Variants in ARHGAP18 observed in about 807,000 individuals in gnomAD.
ARHGAP18 encodes the protein rho GTPase-activating protein 18.
In ARHGAP18, 67 loss-of-function variants were observed where a neutral mutation model predicts 86.2. The ratio of observed to expected loss-of-function variants is 0.78; its 90% CI spans 0.64 to 0.95. ARHGAP18 has a LOEUF of 0.95. Among genes scored for constraint, ARHGAP18 ranks in the 40% least tolerant of loss-of-function variants. The pLI is 0.00. For synonymous variants in ARHGAP18, 283 were observed against 280.4 expected, an observed-to-expected ratio of 1.01 and a Z score of -0.09; for missense variants, 691 against 780.4, an observed-to-expected ratio of 0.89 and a Z score of 1.37.
At chr6:129,584,695 G>A (rs892373421) in intron 12 of ARHGAP18, among the ~76,000 whole-genome samples, 10 of 152,164 alleles carry the variant, frequency 6.6e-5, no homozygotes, top group African/African-American at 2.4e-4. Context: ...TTATGGATTC[G>A]AGGATACCAG....
chr6:129,653,451 C>T (rs769902178), intron 1 of ARHGAP18, among the ~76,000 whole-genome samples: 9 of 152,030 alleles, frequency 5.9e-5, no homozygotes, highest in Admixed American at 2.0e-4. Context: ...TATAGAAGGC[C>T]GGGAAGTGTT....
chr6:129,676,535 C>T (rs1774233866), intron 1 of ARHGAP18, among the ~76,000 whole-genome samples: 1 of 152,186 alleles, frequency 6.6e-6, no homozygotes, highest in Non-Finnish European at 1.5e-5. Flanking sequence ...ATTCCTTTCC[C>T]ATCCTGAAGA....
chr6:129,683,471 A>G (rs1429882348), intron 1 of ARHGAP18, among the ~76,000 whole-genome samples: 6 of 152,328 alleles, frequency 3.9e-5, no homozygotes, highest in East Asian at 1.9e-4. Context: ...ATGAAAAACT[A>G]TATCTACTTG....
intron 1 of ARHGAP18, among the ~76,000 whole-genome samples, chr6:129,682,314 T>A (rs1226749943): frequency 2.0e-5 from 3 of 152,202 alleles, no homozygotes; most frequent in Admixed American, 1.3e-4. Context: ...CCTTTCTCTT[T>A]GCCAAGCCAG....
chr6:129,594,464 CTT>C (rs1421245324), intron 12 of ARHGAP18, among the ~76,000 whole-genome samples: 2 of 152,166 alleles, frequency 1.3e-5, no homozygotes, highest in African/African-American at 2.4e-5. Flanking sequence ...AGAGATCTCT[CTT>C]TGTCTCTTTA....
intron 5 of ARHGAP18, among the ~76,000 whole-genome samples, chr6:129,625,435 AAT>A (rs1351339359): frequency 2.1e-5 from 1 of 48,718 alleles, no homozygotes; most frequent in African/African-American, 1.1e-4. Flanking sequence ...TATTATATAT[AAT>A]ATATATTTTA....
Position 129,649,040 on chromosome 6 carries a change from A to T in ARHGAP18, c.114-7022T>A, listed in dbSNP as rs1338966891. 2.6e-5 allele frequency among the ~76,000 whole-genome samples: 4 copies of T among 152,308 alleles called. No homozygotes were observed. The South Asian group carries it at 8.3e-4, about 32-fold the overall frequency. ...AATGCCTGAAGGCAGTAAGAAGTTG[A>T]TTAGAAAGCAATACCACATCACTCG... is the stretch of plus-strand genomic sequence containing the variant. On this transcript the variant is annotated intron_variant, in intron 1 of 14. Coordinates refer to ENST00000368149, the MANE Select transcript of ARHGAP18 (RefSeq NM_033515.3).
At chr6:129,676,814 T>C (rs973829072) in intron 1 of ARHGAP18, among the ~76,000 whole-genome samples, 1 of 149,888 alleles carries the variant, frequency 6.7e-6, no homozygotes, top group African/African-American at 2.5e-5. Context: ...AGACTCAAAG[T>C]CCCTTAAACA....
At chr6:129,647,404 T>G (rs1388992396) in intron 1 of ARHGAP18, among the ~76,000 whole-genome samples, 2 of 152,224 alleles carry the variant, frequency 1.3e-5, no homozygotes, top group African/African-American at 4.8e-5. Context: ...CCTATCGTGA[T>G]GCTTTCTATC....
chr6:129,677,249 C>A (rs978607639), intron 1 of ARHGAP18, among the ~76,000 whole-genome samples: 1 of 152,086 alleles, frequency 6.6e-6, no homozygotes, highest in African/African-American at 2.4e-5. Flanking sequence ...AAAAATTAGC[C>A]AGGTGCGGTG....
At chr6:129,593,085 G>A (rs996202404) in intron 12 of ARHGAP18, among the ~76,000 whole-genome samples, 4 of 152,168 alleles carry the variant, frequency 2.6e-5, no homozygotes, top group African/African-American at 7.2e-5. Flanking sequence ...CGATACACAC[G>A]CCCAAGTCCT....
At chr6:129,647,578 T>G (rs1773606443) in intron 1 of ARHGAP18, among the ~76,000 whole-genome samples, 1 of 152,056 alleles carries the variant, frequency 6.6e-6, no homozygotes, top group East Asian at 1.9e-4. Context: ...TTTATTTCCA[T>G]GCAGGACAAG....
rs1327051434 is a variant in ARHGAP18, at chr6:129,576,158, T to C, written c.*2355A>G. Reference sequence around the variant, plus strand: ...TTTAAACTCAAGGCAAATATATTTATTTTTATTTTGTCTCATACACACACA... The same window carrying C: ...TTTAAACTCAAGGCAAATATATTTACTTTTATTTTGTCTCATACACACACA... On this transcript the variant is annotated 3_prime_UTR_variant, in exon 15 of 15. Coordinates refer to ENST00000368149, the MANE Select transcript of ARHGAP18 (RefSeq NM_033515.3). 6.6e-6 allele frequency: 1 copy of C among 152,224 alleles called. No homozygotes were observed. The highest frequency in any genetic ancestry group is 1.5e-5 in the Non-Finnish European group (1 of 68,038). 9.4% of individuals were successfully genotyped at this position (152,224 alleles called of 1,614,324 possible). A position where few individuals can be genotyped will look rare whatever the true frequency, so the allele number is the denominator to read the frequency against.
intron 1 of ARHGAP18, among the ~76,000 whole-genome samples, chr6:129,675,860 G>C (rs1008829402): frequency 6.6e-6 from 1 of 152,000 alleles, no homozygotes; most frequent in Non-Finnish European, 1.5e-5. Flanking sequence ...GTTTAGCCAA[G>C]AGCCACTTCA....
chr6:129,607,975 G>A lies in ARHGAP18; in HGVS notation c.1200C>T (p.Ala400=). The A allele has an allele frequency of 6.2e-7, 1 of 1,613,224 alleles. No homozygotes were observed. The highest frequency in any genetic ancestry group is 8.5e-7 in the Non-Finnish European group (1 of 1,179,808). Residue 400 remains alanine, a synonymous_variant, in exon 9 of 15, where the codon GCC becomes GCT. Coordinates refer to ENST00000368149, the MANE Select transcript of ARHGAP18 (RefSeq NM_033515.3). ...CCCGAATGAAGAGCTTCAGCAGGCT[G>A]GCGGCATCATGCTGTTTGACACTTT... ...NWESVKQHDA[A]SLLKLFIREL...
intron 1 of ARHGAP18, among the ~76,000 whole-genome samples, chr6:129,656,593 G>A (rs187617824): frequency 2.6e-5 from 4 of 152,124 alleles, no homozygotes; most frequent in Admixed American, 1.3e-4. Flanking sequence ...GCAGTGAGCC[G>A]AGATCGCACC....
At chr6:129,692,619 C>T (rs1488531667) in intron 1 of ARHGAP18, among the ~76,000 whole-genome samples, 2 of 152,148 alleles carry the variant, frequency 1.3e-5, no homozygotes, top group Non-Finnish European at 2.9e-5. Flanking sequence ...TGAGTGGACA[C>T]AGAATTCTAT....
In ARHGAP18 at chr6:129,602,517, C is replaced by T. The variant is rs147806538; in HGVS notation, c.1366-1669G>A. Among the ~76,000 whole-genome samples the T allele has an allele frequency of 1.1e-4, 17 of 152,186 alleles. No individual in the cohort carries two copies. The East Asian group carries it at 2.9e-3, about 26-fold the overall frequency. ...CTGGAAAAAAAAATTCCTGTAAGTG[C>T]TAACAGGTTGCTTTTGAATCAAGTA... On this transcript the variant is annotated intron_variant, in intron 10 of 14. Coordinates refer to ENST00000368149, the MANE Select transcript of ARHGAP18 (RefSeq NM_033515.3).
chr6:129,583,923 G>A lies in ARHGAP18; in HGVS notation c.1838+65C>T, dbSNP rs188460191. ...AAAAAAAGGAAGAAGAAGCAGCAGC[G>A]AAGGCGAGAGAGAGAGAGCAAGTGA... On this transcript the variant is annotated intron_variant, in intron 13 of 14. Transcript: ENST00000368149. The A allele has an allele frequency of 9.2e-4, 1,401 of 1,515,644 alleles. 16 individuals are homozygous for A. The African/African-American group carries it at 0.018, about 19-fold the overall frequency. The allele number at this position is 1,515,644 out of a possible 1,614,324, so 93.9% of individuals were successfully genotyped here. A position where few individuals can be genotyped will look rare whatever the true frequency, so the allele number is the denominator to read the frequency against.
Sources: gnomAD v4.1 joint callset for allele counts (sites outside exome capture counted in the v4.1 genomes callset) on GRCh38, gnomAD v4.1.1 for gene constraint, MANE v1.5 for transcripts, NCBI Gene and HGNC (gene_info 2026-07-23, HGNC 2026-07-21) for gene names.